The following DLD variants were observed in gnomAD, a reference collection of about 807,000 sequenced individuals.
The protein encoded by DLD is dihydrolipoyl dehydrogenase, mitochondrial.
A neutral mutation model predicts 62.2 loss-of-function variants in DLD; 36 were observed. The observed-to-expected ratio is 0.58, with a 90% CI of 0.44 to 0.76. The LOEUF is 0.76. Ranked by LOEUF, DLD falls within the 30% of genes least tolerant of loss-of-function variation. The pLI is 0.00. For synonymous variants in DLD, 204 were observed against 199.6 expected, an observed-to-expected ratio of 1.02 and a Z score of -0.19; for missense variants, 541 against 608.6, an observed-to-expected ratio of 0.89 and a Z score of 1.17.
In DLD at chr7:107,919,057, A is replaced by T. The variant is rs34453495; in HGVS notation, c.1422A>T (p.Gly474=). ...VNEAALALEY[G]ASCEDIARVC... ...AAGCTGCTCTTGCTTTGGAATATGG[A>T]GCATCCTGTGAAGATATAGCTAGAG... The change falls in exon 13 of 14, where the codon GGA becomes GGT. Residue 474 remains glycine, a synonymous_variant. Transcript: ENST00000205402. The T allele has an allele frequency of 1.2e-6, 2 of 1,613,980 alleles. No homozygotes were observed. Among genetic ancestry groups the T allele is most frequent in the Non-Finnish European group, 1.7e-6 (2 of 1,179,888 alleles).
chr7:107,907,363 A>G (rs1193821388), intron 8 of DLD, among the ~76,000 whole-genome samples: 2 of 152,186 alleles, frequency 1.3e-5, no homozygotes, highest in Non-Finnish European at 2.9e-5. Context: ...CTAAGATGGT[A>G]CACTGCCCTG....
In DLD at chr7:107,920,283, A is replaced by C. The variant is rs2032378892; in HGVS notation, c.*1024A>C. On this transcript the variant is annotated 3_prime_UTR_variant, in exon 14 of 14. Transcript: ENST00000205402. The stretch of plus-strand genomic sequence containing the variant: ...GTTTAAAATGGCCATGTCCTGAGGA[A>C]ACTTAAGTAACAAAGTACTAAATGC... 1 of 152,334 alleles carries C rather than the reference A, an allele frequency of 6.6e-6. No homozygotes were observed. The highest frequency in any genetic ancestry group is 2.4e-5 in the African/African-American group (1 of 41,448). The allele number at this position is 152,334 out of a possible 1,614,324, so 9.4% of individuals were successfully genotyped here. A position where few individuals can be genotyped will look rare whatever the true frequency, so the allele number is the denominator to read the frequency against.
intron 2 of DLD, among the ~76,000 whole-genome samples, chr7:107,897,039 T>C (rs2031744411): frequency 6.6e-6 from 1 of 152,166 alleles, no homozygotes; most frequent in South Asian, 2.1e-4. Flanking sequence ...TTCACCATGT[T>C]GGCCATGCTG....
intron 8 of DLD, among the ~76,000 whole-genome samples, chr7:107,912,955 C>T (rs567207119): frequency 1.4e-4 from 21 of 152,126 alleles, no homozygotes; most frequent in African/African-American, 4.8e-4. Context: ...GTCTTTAATC[C>T]ATTTTGATTT....
At chr7:107,891,595 C>CCT in intron 1 of DLD, 2 of 555,968 alleles carry the variant, frequency 3.6e-6, no homozygotes, top group Non-Finnish European at 3.2e-6. Context: ...CACACATAGG[C>CCT]CTCTACCTTG....
chr7:107,891,342 C>T (rs1243191957), intron 1 of DLD, 53 bp downstream of exon 1: 60 of 1,603,188 alleles, frequency 3.7e-5, no homozygotes, highest in Non-Finnish European at 5.0e-5. Flanking sequence ...GAAGGTCCCG[C>T]TCAGTGGGTC....
intron 2 of DLD, among the ~76,000 whole-genome samples, chr7:107,895,401 T>A (rs1009755012): frequency 4.6e-5 from 7 of 152,344 alleles, no homozygotes; most frequent in Admixed American, 2.6e-4. Flanking sequence ...TGAACCAGGT[T>A]CATCAGAATT....
At chr7:107,907,868 C>T (rs550826050) in intron 8 of DLD, among the ~76,000 whole-genome samples, 22 of 152,312 alleles carry the variant, frequency 1.4e-4, no homozygotes, top group African/African-American at 5.1e-4. Flanking sequence ...AAAGAGTTGT[C>T]CATGCTTTAT....
In DLD at chr7:107,905,450, A is replaced by T. The variant is rs1391814799; in HGVS notation, c.528A>T (p.Thr176=). 3.7e-6 allele frequency: 6 copies of T among 1,613,738 alleles called. No homozygotes were observed. In the Admixed American group the frequency reaches 1.0e-4, roughly 27 times the overall value. The stretch of plus-strand genomic sequence containing the variant: ...ATGGCGGCACTCAGGTTATTGATAC[A>T]AAGAACATTCTTATAGCCACGGGTT... ...KADGGTQVID[T]KNILIATGSE... is the part of the protein sequence containing the mutation. The change falls in exon 7 of 14, where the codon ACA becomes ACT. Residue 176 remains threonine (T), a synonymous_variant. Transcript: ENST00000205402.
At chr7:107,903,774 C>CATT in intron 5 of DLD, 2 of 393,966 alleles carry the variant, frequency 5.1e-6, no homozygotes, top group Admixed American at 7.6e-5. Flanking sequence ...AGATTTCTAC[C>CATT]ATTATATCTT....
At chr7:107,903,977 C>T (rs769287067) in intron 5 of DLD, among the ~76,000 whole-genome samples, 2 of 152,136 alleles carry the variant, frequency 1.3e-5, no homozygotes, top group East Asian at 3.9e-4. Flanking sequence ...TGAGGCATAG[C>T]GGAAAAGGAA....
chr7:107,906,202 A>C, intron 7 of DLD, 65 bp from the exon 8 acceptor site: 1 of 978,774 alleles, frequency 1.0e-6, no homozygotes, highest in Non-Finnish European at 1.6e-6. Context: ...ACCCATGGAT[A>C]TGGAGGGTCG....
intron 1 of DLD, chr7:107,891,599 T>TAG (rs1419530711): frequency 7.3e-6 from 4 of 546,056 alleles, no homozygotes; most frequent in African/African-American, 5.7e-5. Flanking sequence ...CATAGGCCTC[T>TAG]ACCTTGGAGG....
At chr7:107,898,141 T>G (rs1194672388) in intron 2 of DLD, among the ~76,000 whole-genome samples, 1 of 152,110 alleles carries the variant, frequency 6.6e-6, no homozygotes, top group Non-Finnish European at 1.5e-5. Context: ...GGAGCACACA[T>G]TTCAGAATCT....
chr7:107,903,695 A>G, intron 5 of DLD, 148 bp downstream of exon 5: 1 of 534,726 alleles, frequency 1.9e-6, no homozygotes, highest in African/African-American at 1.9e-5. Flanking sequence ...GGAGAGATTT[A>G]CTTAAAAAAG....
At position 107,915,688 on chromosome 7, in the gene DLD, T is replaced by G; in HGVS notation, c.867T>G (p.Ile289Met). The G allele has an allele frequency of 6.2e-7, 1 of 1,613,454 alleles. No individual in the cohort carries two copies. Among genetic ancestry groups the G allele is most frequent in the Non-Finnish European group, 8.5e-7 (1 of 1,179,642 alleles). ...CTACCAAGAAGTCAGATGGAAAAAT[T>G]GATGTTTCGTAAGTATACATCATTT... ...TGATKKSDGK[I>M]DVSIEAASGG... is the part of the protein sequence containing the mutation. The change falls in exon 9 of 14, where the codon ATT becomes ATG. Residue 289 changes from isoleucine (I) to methionine (M), a missense_variant. Ile to Met is a conservative substitution (Grantham distance 10, BLOSUM62 1). Transcript: ENST00000205402.
At chr7:107,898,804 G>T (rs1006414787) in intron 2 of DLD, among the ~76,000 whole-genome samples, 1 of 150,538 alleles carries the variant, frequency 6.6e-6, no homozygotes, top group Non-Finnish European at 1.5e-5. Flanking sequence ...TTGATCTCCT[G>T]ACCTCGTGAT....
intron 2 of DLD, among the ~76,000 whole-genome samples, chr7:107,894,199 A>T (rs2031661234): frequency 6.6e-6 from 1 of 152,204 alleles, no homozygotes; most frequent in Non-Finnish European, 1.5e-5. Context: ...AGTACCAAGG[A>T]TATTGATTAT....
chr7:107,903,995 T>C (rs1234768208), intron 5 of DLD, among the ~76,000 whole-genome samples: 1 of 152,178 alleles, frequency 6.6e-6, no homozygotes, highest in Non-Finnish European at 1.5e-5. Context: ...GAAGAGGACA[T>C]TTCATAACGT....
Sources: gnomAD v4.1 joint callset for allele counts (sites outside exome capture counted in the v4.1 genomes callset) on GRCh38, gnomAD v4.1.1 for gene constraint, MANE v1.5 for transcripts, NCBI Gene and HGNC (gene_info 2026-07-23, HGNC 2026-07-21) for gene names.